COL9A3: variants seen among roughly 807,000 people sequenced by gnomAD.
The protein encoded by COL9A3 is collagen alpha-3(IX) chain.
A neutral mutation model predicts 110.2 loss-of-function variants in COL9A3; 82 were observed. The ratio of observed to expected loss-of-function variants is 0.74; its 90% CI spans 0.62 to 0.89. The LOEUF (loss-of-function observed/expected upper bound fraction) is 0.89, where lower values mean the gene tolerates loss of function less well. Ranked by LOEUF, COL9A3 falls within the 40% of genes least tolerant of loss-of-function variation. COL9A3 has a pLI of 0.00. For synonymous variants in COL9A3, 494 were observed against 403.8 expected, an observed-to-expected ratio of 1.22 and a Z score of -2.68; for missense variants, 1,066 against 981.3, an observed-to-expected ratio of 1.09 and a Z score of -1.15.
rs1254058219 is a variant in COL9A3 at position 62,819,205 on chromosome 20, C to T, written c.184-17C>T. 1.9e-6 allele frequency: 3 copies of T among 1,612,176 alleles called. No individual in the cohort carries two copies. In the South Asian group the frequency reaches 3.3e-5, roughly 18 times the overall value. ...CCAGACCCCGCCTTCACATCTCTGCCCTTTCCTCCTGCACAGGGACCAAAG... is the reference window on the plus strand; with the variant it reads ...CCAGACCCCGCCTTCACATCTCTGCTCTTTCCTCCTGCACAGGGACCAAAG... On this transcript the variant is annotated splice_polypyrimidine_tract_variant and intron_variant, in intron 3 of 31. Transcript: ENST00000649368.
intron 4 of COL9A3, 80 bp downstream of exon 4, chr20:62,819,373 TC>T: frequency 7.3e-7 from 1 of 1,373,692 alleles, no homozygotes; most frequent in Non-Finnish European, 1.0e-6. Flanking sequence ...ATTGCTGTTG[TC>T]CAGCTGGGCC....
chr20:62,838,590 G>C, intron 30 of COL9A3, 94 bp from the exon 31 acceptor site: 1 of 1,130,814 alleles, frequency 8.8e-7, no homozygotes. Flanking sequence ...TGAAAAGCTG[G>C]CACCCTGTTT....
intron 17 of COL9A3, among the ~76,000 whole-genome samples, chr20:62,828,278 G>A (rs2063570230): frequency 1.3e-5 from 2 of 152,182 alleles, no homozygotes; most frequent in Admixed American, 1.3e-4. Context: ...ACCCATGCGG[G>A]CACCTTCCTT....
Position 62,826,254 on chromosome 20 carries a change from C to T in COL9A3, c.735C>T (p.Asp245=). 1 of 1,550,836 alleles carries T rather than the reference C, an allele frequency of 6.4e-7. No homozygotes were observed. The highest frequency in any genetic ancestry group is 8.7e-7 in the Non-Finnish European group (1 of 1,148,122). The part of the protein sequence containing the change: ...GLPGPLGPPG[D]RGPIGFRGPP... ...CAGGGCCACTCGGGCCCCCTGGGGA[C>T]CGGGTAAGTCCTGCAGCCCCTAGTG... is the stretch of plus-strand genomic sequence containing the variant. Residue 245 remains aspartate (D), a synonymous_variant, in exon 14 of 32, where the codon GAC becomes GAT. Coordinates refer to ENST00000649368, the MANE Select transcript of COL9A3 (RefSeq NM_001853.4).
rs746531996 is a variant in COL9A3, at chr20:62,824,974, A to T, written c.583A>T (p.Thr195Ser). 6.2e-7 allele frequency: 1 copy of T among 1,609,706 alleles called. No homozygotes were observed. Among genetic ancestry groups the T allele is most frequent in the Non-Finnish European group, 8.5e-7 (1 of 1,179,106 alleles). ...ACCCCACATTTGCTTGCAGGGACCC[A>T]CTGGCTACAAAGGCGAGCAGGGGGA... ...PPGMPGFKGP[T>S]GYKGEQGEVG... Residue 195 changes from threonine to serine, a missense_variant, in exon 12 of 32, where the codon ACT (threonine) becomes TCT (serine). Physicochemically the swap from Thr to Ser is moderately conservative, Grantham distance 58. Transcript: ENST00000649368.
At chr20:62,831,927 C>T (rs543680576) in intron 24 of COL9A3, 42 of 610,524 alleles carry the variant, frequency 6.9e-5, no homozygotes, top group Non-Finnish European at 1.2e-4. Flanking sequence ...GCAAACCTAA[C>T]GGGACTTCAC....
At chr20:62,826,707 TGG>T in intron 14 of COL9A3, 58 bp from the exon 15 acceptor site, 1 of 1,590,728 alleles carries the variant, frequency 6.3e-7, no homozygotes, top group Non-Finnish European at 8.6e-7. Context: ...GAGGGAGCAC[TGG>T]GGGGATGCCA....
chr20:62,828,642 C>G, intron 17 of COL9A3, 122 bp from the exon 18 acceptor site: 1 of 1,130,626 alleles, frequency 8.8e-7, no homozygotes, highest in Non-Finnish European at 1.3e-6. Flanking sequence ...CAGATAACTG[C>G]CAGGGTGTGG....
intron 2 of COL9A3, 26 bp downstream of exon 2, chr20:62,817,661 C>T (rs1197561272): frequency 1.3e-6 from 2 of 1,504,042 alleles, no homozygotes; most frequent in East Asian, 2.5e-5. Context: ...GGGAGGGCCC[C>T]GAGCGCTCTG....
chr20:62,818,653 A>T, intron 3 of COL9A3, 100 bp downstream of exon 3: 1 of 1,332,558 alleles, frequency 7.5e-7, no homozygotes, highest in Non-Finnish European at 1.1e-6. Flanking sequence ...ATCCTGCCGG[A>T]GCCCGGGTTG....
chr20:62,828,903 C>T lies in COL9A3; in HGVS notation c.955-20C>T. On this transcript the variant is annotated intron_variant, in intron 18 of 31. Coordinates refer to ENST00000649368, the MANE Select transcript of COL9A3 (RefSeq NM_001853.4). ...GAGGCCTCAGCCTCCCCTTCCGCAC[C>T]CCAATCTCTGTCCTCACAGGGAGAG... 6.2e-7 allele frequency: 1 copy of T among 1,612,484 alleles called. No homozygotes were observed. The highest frequency in any genetic ancestry group is 8.5e-7 in the Non-Finnish European group (1 of 1,179,872).
intron 25 of COL9A3, 163 bp from the exon 26 acceptor site, chr20:62,832,857 T>G: frequency 1.5e-6 from 1 of 671,466 alleles, no homozygotes; most frequent in Non-Finnish European, 2.7e-6. Flanking sequence ...TCCCAAGGGC[T>G]GTGTTTGGAG....
At chr20:62,818,145 G>A (rs1319879585) in intron 2 of COL9A3, among the ~76,000 whole-genome samples, 2 of 152,152 alleles carry the variant, frequency 1.3e-5, no homozygotes, top group African/African-American at 2.4e-5. Context: ...GACCGTCTGG[G>A]GTGAACCTCC....
Position 62,825,852 on chromosome 20 carries a change from G to C in COL9A3, c.666G>C (p.Pro222=). 1 of 1,558,774 alleles carries C rather than the reference G, an allele frequency of 6.4e-7. No homozygotes were observed. The highest frequency in any genetic ancestry group is 8.7e-7 in the Non-Finnish European group (1 of 1,151,172). The change falls in exon 13 of 32, where the codon CCG becomes CCC. Residue 222 remains proline (P), a synonymous_variant. Transcript: ENST00000649368. The stretch of plus-strand genomic sequence containing the variant: ...GCCCCCCTGGGCCCGCCGGCCTCCC[G>C]GGCAGCGTGGGGCTGCAGGTGAGGC... ...DPGPPGPAGL[P]GSVGLQGPRG... is the part of the protein sequence containing the mutation.
Position 62,833,045 on chromosome 20 carries a change from C to T in COL9A3, c.1349C>T (p.Pro450Leu). 1.2e-6 allele frequency: 2 copies of T among 1,613,832 alleles called. No individual in the cohort carries two copies. The highest frequency in any genetic ancestry group is 1.7e-6 in the Non-Finnish European group (2 of 1,179,816). Reference sequence around the variant, plus strand: ...GGTATTGCAGGTTCCGACGGTCTTCCTGGGGATAAAGGAGAACTGGTGAGT... The same window carrying T: ...GGTATTGCAGGTTCCGACGGTCTTCTTGGGGATAAAGGAGAACTGGTGAGT... The part of the protein sequence containing the change: ...DQGIAGSDGL[P>L]GDKGELGPSG... Residue 450 changes from proline (P) to leucine (L), a missense_variant, in exon 26 of 32, where the codon CCT becomes CTT. Physicochemically the swap from Pro to Leu is moderately conservative, Grantham distance 98 (BLOSUM62 -3). Transcript: ENST00000649368.
intron 10 of COL9A3, among the ~76,000 whole-genome samples, chr20:62,823,237 G>C (rs572338406): frequency 6.6e-6 from 1 of 152,342 alleles, no homozygotes; most frequent in East Asian, 1.9e-4. Context: ...TTGGATGGCT[G>C]TGGTGGGAGG....
In COL9A3 at chr20:62,840,850, CG is replaced by C; in HGVS notation, c.*120del. On this transcript the variant is annotated 3_prime_UTR_variant, in exon 32 of 32. Coordinates refer to ENST00000649368, the MANE Select transcript of COL9A3 (RefSeq NM_001853.4). ...AGAGGGAGCGCCCCTGGCTGCCCCT[CG>C]GCCGCCGACTGGACGCGCGGGCCTT... 1.6e-6 allele frequency: 2 copies of C among 1,233,508 alleles called. No homozygotes were observed. The highest frequency in any genetic ancestry group is 2.3e-6 in the Non-Finnish European group (2 of 864,430). The allele number at this position is 1,233,508 out of a possible 1,614,324, so 76.4% of individuals were successfully genotyped here. A position where few individuals can be genotyped will look rare whatever the true frequency, so the allele number is the denominator to read the frequency against.
At chr20:62,820,586 G>T (rs3818000) in intron 5 of COL9A3, among the ~76,000 whole-genome samples, 3,785 of 152,138 alleles carry the variant, frequency 0.025, 117 homozygotes, top group East Asian at 0.11. Context: ...TTGGGAGCTC[G>T]TCAGGCATGA....
At chr20:62,830,245 G>A in intron 22 of COL9A3, 115 bp from the exon 23 acceptor site, 1 of 1,264,478 alleles carries the variant, frequency 7.9e-7, no homozygotes, top group Non-Finnish European at 1.1e-6. Context: ...AGGTGGCTTA[G>A]AACCGGCTCC....
Sources: gnomAD v4.1 joint callset for allele counts (sites outside exome capture counted in the v4.1 genomes callset) on GRCh38, gnomAD v4.1.1 for gene constraint, MANE v1.5 for transcripts, NCBI Gene and HGNC (gene_info 2026-07-23, HGNC 2026-07-21) for gene names.